Variants in HLCS observed in about 807,000 individuals in gnomAD.
The protein encoded by HLCS is holocarboxylase synthetase.
A neutral mutation model predicts 75.0 loss-of-function variants in HLCS; 53 were observed. The ratio of observed to expected loss-of-function variants is 0.71; its 90% confidence interval spans 0.57 to 0.89. The LOEUF (loss-of-function observed/expected upper bound fraction) is 0.89. Ranked by LOEUF, HLCS falls within the 40% of genes least tolerant of loss-of-function variation. The pLI is 0.00. For missense variants in HLCS, 966 were observed against 1,074.0 expected (o/e 0.90, Z 1.41); for synonymous variants, 431 against 428.6 (o/e 1.01, Z -0.07).
At chr21:36,835,592 G>A (rs1295305990) in intron 6 of HLCS, among the ~76,000 whole-genome samples, 1 of 152,136 alleles carries the variant, frequency 6.6e-6, no homozygotes, top group Non-Finnish European at 1.5e-5. Context: ...CTGGGGAGGA[G>A]CTCCACTCTC....
At chr21:36,767,098 G>A in intron 7 of HLCS, 120 bp downstream of exon 7, 1 of 955,982 alleles carries the variant, frequency 1.0e-6, no homozygotes, top group Non-Finnish European at 1.7e-6. Context: ...TATGAAAACA[G>A]AATCTACTAA....
chr21:36,767,244 A>G lies in HLCS; in HGVS notation c.1934T>C (p.Ile645Thr). The part of the protein sequence containing the change: ...QTPQEMGLIV[I>T]AARQTEGKGR... ...TTTGCCCTCGGTCTGCCGGGCCGCG[A>G]TCACTATTAAGCCCATTTCCTGCGG... Residue 645 changes from isoleucine to threonine, a missense_variant, in exon 7 of 11, where the codon ATC becomes ACC. Coordinates refer to ENST00000674895, the MANE Select transcript of HLCS (RefSeq NM_001352514.2). 3 of 1,614,162 alleles carry G rather than the reference A, an allele frequency of 1.9e-6. No homozygotes were observed. The highest frequency in any genetic ancestry group is 1.7e-6 in the Non-Finnish European group (2 of 1,180,020).
At chr21:36,966,135 C>G (rs967687578) in intron 1 of HLCS, among the ~76,000 whole-genome samples, 1 of 152,184 alleles carries the variant, frequency 6.6e-6, no homozygotes, top group Non-Finnish European at 1.5e-5. Flanking sequence ...TGGGGGCGAC[C>G]CCAGGTGGGC....
At chr21:36,800,071 A>T (rs117820984) in intron 6 of HLCS, among the ~76,000 whole-genome samples, 1,946 of 152,264 alleles carry the variant, frequency 0.013, 27 homozygotes, top group Non-Finnish European at 0.019. Flanking sequence ...CGTGATCAAC[A>T]TTAGACACTG....
chr21:36,811,584 T>C (rs954799654), intron 6 of HLCS, among the ~76,000 whole-genome samples: 14 of 152,232 alleles, frequency 9.2e-5, no homozygotes, highest in African/African-American at 3.1e-4. Context: ...TTCAGCTTGA[T>C]ACAGTGGAAC....
Position 36,767,296 on chromosome 21 carries a change from G to A in HLCS, c.1893-11C>T. The A allele has an allele frequency of 3.1e-6, 5 of 1,614,012 alleles. No homozygotes were observed. Among genetic ancestry groups the A allele is most frequent in the South Asian group, 1.1e-5 (1 of 91,080 alleles). ...GTCTGAAACATCAGCCTGCCGAAGAGGGGGAAAGACCGGTTAGGCCAGACA... is the reference window on the plus strand; with the variant it reads ...GTCTGAAACATCAGCCTGCCGAAGAAGGGGAAAGACCGGTTAGGCCAGACA... On this transcript the variant is annotated splice_polypyrimidine_tract_variant and intron_variant, in intron 6 of 10. Coordinates refer to ENST00000674895, the MANE Select transcript of HLCS (RefSeq NM_001352514.2).
chr21:36,935,140 G>T (rs900280329), intron 4 of HLCS, among the ~76,000 whole-genome samples: 1 of 152,198 alleles, frequency 6.6e-6, no homozygotes, highest in African/African-American at 2.4e-5. Context: ...ACTGAAATAT[G>T]GCTCTAGGAA....
At chr21:36,937,993 C>G (rs1348999419) in intron 3 of HLCS, among the ~76,000 whole-genome samples, 1 of 152,138 alleles carries the variant, frequency 6.6e-6, no homozygotes, top group East Asian at 1.9e-4. Context: ...ACATAAACTT[C>G]CAAAGCTGAT....
intron 1 of HLCS, among the ~76,000 whole-genome samples, chr21:36,979,272 C>CAA (rs35662012): frequency 5.5e-5 from 6 of 109,262 alleles, no homozygotes; most frequent in African/African-American, 1.4e-4. Flanking sequence ...GACTCAGTCT[C>CAA]AAAAAAAAAA....
intron 3 of HLCS, among the ~76,000 whole-genome samples, chr21:36,938,599 A>T (rs2066999718): frequency 6.6e-6 from 1 of 152,156 alleles, no homozygotes; most frequent in South Asian, 2.1e-4. Flanking sequence ...TCCCAGCTCA[A>T]GTGATCCTCC....
intron 6 of HLCS, among the ~76,000 whole-genome samples, chr21:36,880,219 C>CT (rs1179665165): frequency 6.6e-6 from 1 of 152,180 alleles, no homozygotes. Flanking sequence ...CAACGGTGCT[C>CT]TATCTCCACT....
At chr21:36,846,688 G>C (rs1446563674) in intron 6 of HLCS, among the ~76,000 whole-genome samples, 1 of 152,200 alleles carries the variant, frequency 6.6e-6, no homozygotes, top group Non-Finnish European at 1.5e-5. Context: ...CAGAAATCTA[G>C]GTTGAGAAAG....
chr21:36,891,638 T>C (rs935784540), intron 6 of HLCS, among the ~76,000 whole-genome samples: 2 of 152,182 alleles, frequency 1.3e-5, no homozygotes, highest in African/African-American at 4.8e-5. Flanking sequence ...TGTTAGAAGC[T>C]GTATCCTTAC....
chr21:36,842,653 G>C lies in HLCS; in HGVS notation c.1892+54207C>G, dbSNP rs1256335337. Among the ~76,000 whole-genome samples, 2 of 152,114 alleles carry C rather than the reference G, an allele frequency of 1.3e-5. No homozygotes were observed. The highest frequency in any genetic ancestry group is 2.9e-5 in the Non-Finnish European group (2 of 68,016). ...AGCTACTTGGGAGGCTGAGGCACGA[G>C]AATTGCTTGAACCCGGGAGGTGGAG... is the stretch of plus-strand genomic sequence containing the variant. On this transcript the variant is annotated intron_variant, in intron 6 of 10. Coordinates refer to ENST00000674895, the MANE Select transcript of HLCS (RefSeq NM_001352514.2). This position sits in a 1 kb window ranked among gnomAD's most constrained non-coding sequence, Gnocchi z 4.2.
intron 6 of HLCS, among the ~76,000 whole-genome samples, chr21:36,790,117 C>T (rs900384173): frequency 1.3e-5 from 2 of 152,080 alleles, no homozygotes; most frequent in Non-Finnish European, 2.9e-5. Flanking sequence ...CATTAAAAAC[C>T]GTTTTGGGCC....
intron 2 of HLCS, among the ~76,000 whole-genome samples, chr21:36,952,626 T>C (rs2067721261): frequency 6.6e-6 from 1 of 151,968 alleles, no homozygotes; most frequent in African/African-American, 2.4e-5. Context: ...ACTCCGTCTC[T>C]ACTAAAAATA....
At position 36,937,273 on chromosome 21, in the gene HLCS, T is replaced by C. The variant is rs1346543765; in HGVS notation, c.613A>G (p.Met205Val). 4 of 1,614,022 alleles carry C rather than the reference T, an allele frequency of 2.5e-6. No individual in the cohort carries two copies. The highest frequency in any genetic ancestry group is 1.3e-5 in the African/African-American group (1 of 74,906). ...SLEIKPEQDG[M>V]EHVGRDDPKA... The stretch of plus-strand genomic sequence containing the variant: ...GGGTCATCTCTGCCAACATGCTCCA[T>C]ACCGTCCTGCTCAGGCTTAATCTCA... Residue 205 changes from methionine to valine, a missense_variant, in exon 4 of 11, where the codon ATG (methionine) becomes GTG (valine). Physicochemically the swap from Met to Val is conservative, Grantham distance 21 (BLOSUM62 1). Coordinates refer to ENST00000674895, the MANE Select transcript of HLCS (RefSeq NM_001352514.2).
At chr21:36,916,155 T>G (rs1204564040) in intron 5 of HLCS, among the ~76,000 whole-genome samples, 2 of 152,058 alleles carry the variant, frequency 1.3e-5, no homozygotes, top group Admixed American at 6.5e-5. Context: ...AAAAATCTTA[T>G]GGAAGTGACT....
At position 36,888,439 on chromosome 21, in the gene HLCS, AAAAAAAATATATATATAT is replaced by A. The variant is rs1304084577; in HGVS notation, c.1892+8403_1892+8420del. Among the ~76,000 whole-genome samples, 3 of 32,214 alleles carry A rather than the reference AAAAAAAATATATATATAT, an allele frequency of 9.3e-5. 1 individual carries two copies. The highest frequency in any genetic ancestry group is 3.2e-4 in the African/African-American group (3 of 9,444). The allele number at this position is 32,214 out of a possible 152,430, so 21.1% of individuals were successfully genotyped here. ...TCCTGCCCCCTTCCCATTTAAAAAA[AAAAAAAATATATATATAT>A]ATATATATATATATATATATATATA... On this transcript the variant is annotated intron_variant, in intron 6 of 10. Coordinates refer to ENST00000674895, the MANE Select transcript of HLCS (RefSeq NM_001352514.2).
Sources: gnomAD v4.1 joint callset for allele counts (sites outside exome capture counted in the v4.1 genomes callset) on GRCh38, gnomAD v4.1.1 for gene constraint, Gnocchi (gnomAD v3.1) non-coding constraint, MANE v1.5 for transcripts, NCBI Gene and HGNC (gene_info 2026-07-23, HGNC 2026-07-21) for gene names.